The following COPZ2 variants were observed in gnomAD, a reference collection of about 807,000 sequenced individuals.
The protein encoded by COPZ2 is coatomer subunit zeta-2.
In COPZ2, 30 loss-of-function variants were observed where a neutral mutation model predicts 33.2. That is an observed-to-expected ratio of 0.90 (90% CI 0.68 to 1.23). The LOEUF (loss-of-function observed/expected upper bound fraction) is 1.23, where lower values mean the gene tolerates loss of function less well. Among genes scored for constraint, COPZ2 ranks in the 50% most tolerant of loss-of-function variants. The probability of loss-of-function intolerance (pLI) is 0.00; values close to 1 mark genes in which losing one functional copy is unlikely to be tolerated. For synonymous variants in COPZ2, 89 were observed against 102.6 expected (o/e 0.87, Z 0.80); for missense variants, 263 against 262.4 (o/e 1.00, Z -0.02).
At chr17:48,045,376 T>A in the COPZ2 span, 1 of 152,270 alleles carries the variant, frequency 6.6e-6, no homozygotes, top group African/African-American at 2.4e-5. Flanking sequence ...CCAGCCAGCC[T>A]GCCCTCCCAC....
At chr17:48,039,817 C>T (rs534791209), upstream of COPZ2, among the ~76,000 whole-genome samples, 8 of 152,142 alleles carry the variant, frequency 5.3e-5, no homozygotes, top group East Asian at 7.7e-4. Context: ...CATAGTTCAC[C>T]GCAGCCTCAA....
chr17:48,035,577 T>C (rs150672953), intron 2 of COPZ2, among the ~76,000 whole-genome samples: 88 of 151,662 alleles, frequency 5.8e-4, no homozygotes, highest in African/African-American at 1.9e-3. Flanking sequence ...CGTTTTTTTG[T>C]TTTTTGTTTT....
the COPZ2 span, chr17:48,047,973 C>G: frequency 6.6e-6 from 1 of 152,370 alleles, no homozygotes; most frequent in Non-Finnish European, 1.5e-5. Flanking sequence ...TATTCCCTGA[C>G]CTAGGCCTTC....
chr17:48,035,008 C>CT (rs1368058986), intron 2 of COPZ2, among the ~76,000 whole-genome samples: 6 of 152,274 alleles, frequency 3.9e-5, no homozygotes, highest in African/African-American at 1.4e-4. Flanking sequence ...AGTCAGGTAA[C>CT]TTCCCCAACA....
At chr17:48,044,919 T>C in the COPZ2 span, among the ~76,000 whole-genome samples, 1 of 152,130 alleles carries the variant, frequency 6.6e-6, no homozygotes, top group Non-Finnish European at 1.5e-5. Context: ...GAGTAAGAAA[T>C]ACTTATATGG....
intron 3 of COPZ2, 67 bp from the exon 4 acceptor site, chr17:48,033,369 T>C (rs2036928551): frequency 4.7e-6 from 4 of 859,246 alleles, no homozygotes; most frequent in Non-Finnish European, 7.8e-6. Flanking sequence ...CTCCTCCTCA[T>C]GTATGACTCT....
chr17:48,033,854 G>A lies in COPZ2; in HGVS notation c.268+9C>T, dbSNP rs963451347. On this transcript the variant is annotated intron_variant, in intron 3 of 8. Coordinates refer to ENST00000621465, the MANE Select transcript of COPZ2 (RefSeq NM_016429.4). Reference sequence around the variant, plus strand: ...TGATAGTCTGCTGGAGGAAGAGGGGGACACTTACTCTCAGTCCGGCTGGTC... The same window carrying A: ...TGATAGTCTGCTGGAGGAAGAGGGGAACACTTACTCTCAGTCCGGCTGGTC... 8.2e-6 allele frequency: 13 copies of A among 1,594,856 alleles called. No homozygotes were observed. The highest frequency in any genetic ancestry group is 1.1e-5 in the Non-Finnish European group (13 of 1,166,430).
chr17:48,047,643 T>A, the COPZ2 span: 2 of 97,760 alleles, frequency 2.0e-5, no homozygotes, highest in African/African-American at 5.9e-5. Flanking sequence ...CCGCCAACGT[T>A]CCGCCAACGT....
At chr17:48,034,032 G>T in intron 2 of COPZ2, 88 bp from the exon 3 acceptor site, 1 of 896,304 alleles carries the variant, frequency 1.1e-6, no homozygotes, top group Non-Finnish European at 1.8e-6. Flanking sequence ...GTAGGCGCTG[G>T]GCAAGCGGGA....
chr17:48,035,518 C>T (rs970845287), intron 2 of COPZ2, among the ~76,000 whole-genome samples: 2 of 152,156 alleles, frequency 1.3e-5, no homozygotes, highest in African/African-American at 4.8e-5. Context: ...ACTTCAGCCT[C>T]CCGAGTAGGT....
rs755495957 is a variant in COPZ2 at position 48,033,308 on chromosome 17, A to G, written c.269-6T>C. 1.3e-6 allele frequency: 2 copies of G among 1,595,164 alleles called. No individual in the cohort carries two copies. Among genetic ancestry groups the G allele is most frequent in the Non-Finnish European group, 1.7e-6 (2 of 1,164,824 alleles). ...CCCAAAAAATGCAATCTCACCTAGA[A>G]GTGGAGGGAGCTTTCAGTCCTGGCC... On this transcript the variant is annotated splice_region_variant and splice_polypyrimidine_tract_variant and intron_variant, in intron 3 of 8. Coordinates refer to ENST00000621465, the MANE Select transcript of COPZ2 (RefSeq NM_016429.4).
rs1353908778 is a variant in COPZ2, at chr17:48,033,909, C to G, written c.222G>C (p.Gln74His). The G allele has an allele frequency of 3.1e-6, 5 of 1,611,830 alleles. No individual in the cohort carries two copies. The highest frequency in any genetic ancestry group is 3.4e-6 in the Non-Finnish European group (4 of 1,178,970). Residue 74 changes from glutamine (Q) to histidine (H), a missense_variant, in exon 3 of 9, where the codon CAG becomes CAC. By Grantham distance (24) the Gln-to-His change is conservative (BLOSUM62 0). Transcript: ENST00000621465. Reference protein sequence around the residue: ...YDDTFPSMKEQMVFEKNVFNK... With the variant: ...YDDTFPSMKEHMVFEKNVFNK... ...TGAAGACATTTTTCTCGAAAACCAT[C>G]TGCTCCTTCATGGAGGGGAATGTGT...
chr17:48,047,547 C>CT, the COPZ2 span: 1 of 152,304 alleles, frequency 6.6e-6, no homozygotes, highest in East Asian at 1.9e-4. Context: ...AAAAGCAAGA[C>CT]TAAGCTGCGT....
chr17:48,040,119 T>TACCC (rs905467853), upstream of COPZ2, among the ~76,000 whole-genome samples: 113 of 126,912 alleles, frequency 8.9e-4, no homozygotes, highest in South Asian at 3.0e-3. Flanking sequence ...GAGAACCTGC[T>TACCC]ACCCACCCAC....
At chr17:48,026,529 T>C (rs1316151277) in intron 8 of COPZ2, 54 bp from the exon 9 acceptor site, 5 of 1,332,450 alleles carry the variant, frequency 3.8e-6, no homozygotes, top group East Asian at 2.3e-5. Flanking sequence ...AATGCCTCCA[T>C]ACACAGTCAT....
chr17:48,036,713 G>A, intron 2 of COPZ2, 138 bp downstream of exon 2: 1 of 697,320 alleles, frequency 1.4e-6, no homozygotes, highest in Non-Finnish European at 2.5e-6. Context: ...CCTTGACAAG[G>A]CAGGAGGATG....
intron 4 of COPZ2, chr17:48,032,958 A>T: frequency 1.7e-6 from 1 of 596,584 alleles, no homozygotes; most frequent in Non-Finnish European, 3.0e-6. Flanking sequence ...TTCTCTAGTT[A>T]TGTTTAAGAA....
intron 8 of COPZ2, among the ~76,000 whole-genome samples, chr17:48,026,792 G>A (rs1237134369): frequency 2.0e-5 from 3 of 152,242 alleles, no homozygotes; most frequent in African/African-American, 4.8e-5. Context: ...ACAGTGCCAC[G>A]TCCAGGCGGA....
At chr17:48,043,100 G>A in the COPZ2 span, among the ~76,000 whole-genome samples, 1 of 152,182 alleles carries the variant, frequency 6.6e-6, no homozygotes, top group Non-Finnish European at 1.5e-5. Flanking sequence ...TCCCCAGCTC[G>A]AGGAAGCCAA....
Sources: gnomAD v4.1 joint callset for allele counts (sites outside exome capture counted in the v4.1 genomes callset) on GRCh38, gnomAD v4.1.1 for gene constraint, MANE v1.5 for transcripts, NCBI Gene and HGNC (gene_info 2026-07-23, HGNC 2026-07-21) for gene names.